The following ADGRV1 variants were observed in gnomAD, a reference collection of about 807,000 sequenced individuals.
The protein encoded by ADGRV1 is adhesion G protein-coupled receptor V1.
In ADGRV1, 359 loss-of-function variants were observed where a neutral mutation model predicts 596.2. That is an observed-to-expected ratio of 0.60 (90% confidence interval 0.55 to 0.66). The LOEUF is 0.66. ADGRV1 is among the 30% of genes least tolerant of loss of function. The pLI, the probability that ADGRV1 is intolerant of heterozygous loss-of-function variation, is 0.00. For synonymous variants in ADGRV1, 2,681 were observed against 2,679.2 expected (o/e 1.00, Z -0.02); for missense variants, 7,274 against 7,575.6 (o/e 0.96, Z 1.48).
chr5:90,867,491 T>C (rs948973980), intron 83 of ADGRV1, among the ~76,000 whole-genome samples: 1 of 152,180 alleles, frequency 6.6e-6, no homozygotes, highest in African/African-American at 2.4e-5. Flanking sequence ...ATGTCCTGTT[T>C]CCCAGGGAGG....
Position 91,069,724 on chromosome 5 carries a change from A to G in ADGRV1, c.18153-2723A>G, listed in dbSNP as rs572640775. On this transcript the variant is annotated intron_variant, in intron 85 of 89. Transcript: ENST00000405460. ...GGAGATTTCTCAGCGAACTTAGAAC[A>G]CAGCTCTTTGTCCCAGCAATCCCAT... is the stretch of plus-strand genomic sequence containing the variant. 3.3e-5 allele frequency among the ~76,000 whole-genome samples: 5 copies of G among 152,322 alleles called. 1 individual carries two copies. The highest frequency in any genetic ancestry group is 9.6e-5 in the African/African-American group (4 of 41,576).
rs1581092166 is a variant in ADGRV1 at position 90,777,824 on chromosome 5, A to T, written c.12528-81A>T. 18 of 1,221,140 alleles carry T rather than the reference A, an allele frequency of 1.5e-5. No homozygotes were observed. The East Asian group carries it at 4.4e-4, about 30-fold the overall frequency. The allele number at this position is 1,221,140 out of a possible 1,614,324, so 75.6% of individuals were successfully genotyped here. A position where few individuals can be genotyped will look rare whatever the true frequency, so the allele number is the denominator to read the frequency against. On this transcript the variant is annotated intron_variant, in intron 61 of 89. Transcript: ENST00000405460. Reference sequence around the variant, plus strand: ...TTATTGAAATGGATGAAAATTGATTACTGTTAAAAGACAGAGAAAATGTTT... The same window carrying T: ...TTATTGAAATGGATGAAAATTGATTTCTGTTAAAAGACAGAGAAAATGTTT...
rs913757550 is a variant in ADGRV1, at chr5:91,041,637, A to T, written c.18153-30810A>T. ...GTACCCCAGAACCTAAAGTATAATT[A>T]AAAAAAAAAAAAGAGAGAGAGAGAG... On this transcript the variant is annotated intron_variant, in intron 85 of 89. Coordinates refer to ENST00000405460, the MANE Select transcript of ADGRV1 (RefSeq NM_032119.4). Among the ~76,000 whole-genome samples, 46 of 143,464 alleles carry T rather than the reference A, an allele frequency of 3.2e-4. 1 individual carries two copies. The highest frequency in any genetic ancestry group is 2.0e-4 in the Non-Finnish European group (13 of 66,364). 94.1% of individuals were successfully genotyped at this position (143,464 alleles called of 152,430 possible).
chr5:90,872,846 T>A (rs986782892), intron 83 of ADGRV1, among the ~76,000 whole-genome samples: 1 of 152,200 alleles, frequency 6.6e-6, no homozygotes, highest in Admixed American at 6.5e-5. Context: ...TAGCATGGTC[T>A]TCTTGCAGAC....
At chr5:91,103,364 G>A (rs1198001814) in intron 87 of ADGRV1, among the ~76,000 whole-genome samples, 1 of 151,266 alleles carries the variant, frequency 6.6e-6, no homozygotes, top group African/African-American at 2.4e-5. Context: ...AAGACAGTCC[G>A]GCCTCTCTGG....
intron 78 of ADGRV1, among the ~76,000 whole-genome samples, chr5:90,845,971 C>T (rs541301434): frequency 2.0e-5 from 3 of 152,238 alleles, no homozygotes; most frequent in South Asian, 2.1e-4. Context: ...TTACATTTCC[C>T]TGTGGGTTAT....
chr5:90,775,352 T>C (rs1449730157), intron 60 of ADGRV1, among the ~76,000 whole-genome samples: 2 of 152,200 alleles, frequency 1.3e-5, no homozygotes, highest in Non-Finnish European at 2.9e-5. Flanking sequence ...TATAAGTCTT[T>C]AGTTAGCTTT....
chr5:90,772,773 G>A (rs776826964), intron 59 of ADGRV1, among the ~76,000 whole-genome samples: 4 of 152,278 alleles, frequency 2.6e-5, no homozygotes, highest in Admixed American at 6.5e-5. Context: ...AGTATGTAAA[G>A]ATGTTTATGG....
intron 87 of ADGRV1, among the ~76,000 whole-genome samples, chr5:91,110,264 G>T (rs1229196680): frequency 6.6e-6 from 1 of 152,092 alleles, no homozygotes; most frequent in Non-Finnish European, 1.5e-5. Context: ...ATCACCTGGG[G>T]TTTATACTCA....
intron 57 of ADGRV1, 150 bp downstream of exon 57, chr5:90,757,311 A>G: frequency 3.1e-6 from 2 of 637,214 alleles, no homozygotes; most frequent in East Asian, 5.6e-5. Context: ...TAATTGAAAT[A>G]CAATTTATTA....
At chr5:90,802,987 C>G (rs1761536357) in intron 71 of ADGRV1, 105 bp downstream of exon 71, 1 of 846,756 alleles carries the variant, frequency 1.2e-6, no homozygotes, top group Admixed American at 3.4e-5. Context: ...TAACTATTTT[C>G]TTAAATATAA....
intron 83 of ADGRV1, among the ~76,000 whole-genome samples, chr5:90,879,526 A>G (rs1191740548): frequency 6.6e-6 from 1 of 152,218 alleles, no homozygotes; most frequent in Non-Finnish European, 1.5e-5. Flanking sequence ...CCTGTTATCA[A>G]AGGAAGAATG....
intron 83 of ADGRV1, among the ~76,000 whole-genome samples, chr5:90,868,497 G>A (rs1476176338): frequency 6.6e-6 from 1 of 151,938 alleles, no homozygotes; most frequent in African/African-American, 2.4e-5. Flanking sequence ...CATAGCATTT[G>A]ACAATTTGTA....
At chr5:90,649,854 A>C (rs1047749793) in intron 17 of ADGRV1, among the ~76,000 whole-genome samples, 1 of 152,184 alleles carries the variant, frequency 6.6e-6, no homozygotes, top group Non-Finnish European at 1.5e-5. Flanking sequence ...AAATATATTT[A>C]TTAATATTTG....
At chr5:90,917,225 C>T (rs960595330) in intron 83 of ADGRV1, among the ~76,000 whole-genome samples, 8 of 152,088 alleles carry the variant, frequency 5.3e-5, no homozygotes, top group Admixed American at 1.3e-4. Flanking sequence ...TTTAAATCTT[C>T]ATTGTTTTCA....
At chr5:90,631,329 G>A (rs970775884) in intron 9 of ADGRV1, among the ~76,000 whole-genome samples, 6 of 152,010 alleles carry the variant, frequency 3.9e-5, no homozygotes, top group Non-Finnish European at 7.4e-5. Context: ...AGACTCCCGC[G>A]TTTTTTTAAG....
In ADGRV1 at chr5:90,791,237, TATCATC is replaced by T; in HGVS notation, c.14409_14414del (p.Ile4803_Ser4805delinsMet). 1 of 1,613,214 alleles carries T rather than the reference TATCATC, an allele frequency of 6.2e-7. No individual in the cohort carries two copies. The highest frequency in any genetic ancestry group is 8.5e-7 in the Non-Finnish European group (1 of 1,179,604). On this transcript the variant is annotated inframe_deletion, in exon 70 of 90. Coordinates refer to ENST00000405460, the MANE Select transcript of ADGRV1 (RefSeq NM_032119.4). ...GGAGATGTGGCTGTTGGGCTTCGAATATCATCGGATCATAAAGAACAGCCGATTGTT... is the reference window on the plus strand; with the variant it reads ...GGAGATGTGGCTGTTGGGCTTCGAATGGATCATAAAGAACAGCCGATTGTT...
At chr5:91,146,350 T>C (rs764796224) in intron 87 of ADGRV1, among the ~76,000 whole-genome samples, 1 of 152,188 alleles carries the variant, frequency 6.6e-6, no homozygotes, top group Non-Finnish European at 1.5e-5. Flanking sequence ...TGAGAGCCAG[T>C]GTAGGCGATG....
At chr5:91,136,025 T>G (rs1179550299) in intron 87 of ADGRV1, among the ~76,000 whole-genome samples, 1 of 152,088 alleles carries the variant, frequency 6.6e-6, no homozygotes, top group East Asian at 1.9e-4. Flanking sequence ...TCTTGAGGAA[T>G]TGAAAGTATG....
Sources: gnomAD v4.1 joint callset for allele counts (sites outside exome capture counted in the v4.1 genomes callset) on GRCh38, gnomAD v4.1.1 for gene constraint, MANE v1.5 for transcripts, NCBI Gene and HGNC (gene_info 2026-07-23, HGNC 2026-07-21) for gene names.